ENPEP: variants seen among roughly 807,000 people sequenced by gnomAD.
ENPEP encodes glutamyl aminopeptidase, also known as AP-A.
In ENPEP, 103 loss-of-function variants were observed where a neutral mutation model predicts 114.5. The ratio of observed to expected loss-of-function variants is 0.90; its 90% CI spans 0.77 to 1.06. The LOEUF (loss-of-function observed/expected upper bound fraction) is 1.06. Among genes scored for constraint, ENPEP ranks in the 50% least tolerant of loss-of-function variants. ENPEP has a pLI of 0.00. For missense variants in ENPEP, 1,196 were observed against 1,161.3 expected (o/e 1.03, Z -0.43); for synonymous variants, 420 against 422.0 (o/e 1.00, Z 0.06).
intron 13 of ENPEP, among the ~76,000 whole-genome samples, chr4:110,547,039 C>T (rs971741581): frequency 6.6e-6 from 1 of 152,042 alleles, no homozygotes; most frequent in African/African-American, 2.4e-5. Flanking sequence ...TTAACTCAGG[C>T]TTCTCTAAGC....
chr4:110,560,419 G>A (rs1727638704), intron 19 of ENPEP, among the ~76,000 whole-genome samples: 1 of 152,152 alleles, frequency 6.6e-6, no homozygotes, highest in Admixed American at 6.5e-5. Context: ...TTTTTAAATT[G>A]TATATATTTA....
intron 3 of ENPEP, among the ~76,000 whole-genome samples, chr4:110,499,136 TAGTGTA>T (rs1268480813): frequency 6.6e-6 from 1 of 152,190 alleles, no homozygotes; most frequent in East Asian, 1.9e-4. Context: ...GTGGACACCA[TAGTGTA>T]AGTATCAATC....
chr4:110,549,668 T>A (rs1180622126), intron 16 of ENPEP, 36 bp downstream of exon 16: 1 of 1,613,036 alleles, frequency 6.2e-7, no homozygotes, highest in Admixed American at 1.7e-5. Context: ...GAAGACACAT[T>A]TGAGAAAAGA....
intron 3 of ENPEP, among the ~76,000 whole-genome samples, chr4:110,500,687 C>T (rs1445660301): frequency 6.6e-6 from 1 of 152,190 alleles, no homozygotes; most frequent in African/African-American, 2.4e-5. Context: ...ATGCATCCCT[C>T]CTCACTCCAT....
chr4:110,542,944 T>C, intron 12 of ENPEP, 57 bp downstream of exon 12: 1 of 1,610,368 alleles, frequency 6.2e-7, no homozygotes. Flanking sequence ...AGCATCTTAA[T>C]GATATTAATT....
chr4:110,500,569 G>A (rs1725116821), intron 3 of ENPEP, among the ~76,000 whole-genome samples: 2 of 152,090 alleles, frequency 1.3e-5, no homozygotes, highest in Admixed American at 6.5e-5. Flanking sequence ...TACATATAAA[G>A]TGATAAAGTA....
intron 1 of ENPEP, among the ~76,000 whole-genome samples, chr4:110,484,804 C>A (rs1324873676): frequency 6.8e-6 from 1 of 147,998 alleles, no homozygotes; most frequent in Non-Finnish European, 1.5e-5. Flanking sequence ...TGGCATCCAG[C>A]CAAGAGTAAA....
At chr4:110,546,661 C>A (rs1395417733) in intron 13 of ENPEP, among the ~76,000 whole-genome samples, 1 of 151,920 alleles carries the variant, frequency 6.6e-6, no homozygotes, top group African/African-American at 2.4e-5. Context: ...AAATCATGGA[C>A]CTTAGATACA....
rs113999891 is a variant in ENPEP at position 110,549,220 on chromosome 4, G to A, written c.2152-126G>A. 4,282 of 755,596 alleles carry A rather than the reference G, an allele frequency of 5.7e-3. 119 individuals are homozygous for A. In the African/African-American group the frequency reaches 0.066, roughly 12 times the overall value. 46.8% of individuals were successfully genotyped at this position (755,596 alleles called of 1,614,324 possible). On this transcript the variant is annotated intron_variant, in intron 14 of 19. Transcript: ENST00000265162. Reference sequence around the variant, plus strand: ...AAATTAAATACATTGTTTTTCTAAGGACAAGCGCAAAGTTCTCTGAATTAG... The same window carrying A: ...AAATTAAATACATTGTTTTTCTAAGAACAAGCGCAAAGTTCTCTGAATTAG...
chr4:110,541,181 A>T (rs994046086), intron 11 of ENPEP, among the ~76,000 whole-genome samples: 2 of 152,132 alleles, frequency 1.3e-5, no homozygotes, highest in Non-Finnish European at 2.9e-5. Flanking sequence ...ATAATTTATC[A>T]ATTACCTACT....
In ENPEP at chr4:110,480,468, C is replaced by T. The variant is rs140507112; in HGVS notation, c.644+3410C>T. Among the ~76,000 whole-genome samples the T allele has an allele frequency of 3.2e-4, 48 of 152,176 alleles. 1 individual carries two copies. The highest frequency in any genetic ancestry group is 9.9e-4 in the African/African-American group (41 of 41,514). On this transcript the variant is annotated intron_variant, in intron 1 of 19. Transcript: ENST00000265162. ...ATAGAGTGAGCTTCGTCATATGTGACGTTTGTATCATTTTAAACGTCATCA... is the reference window on the plus strand; with the variant it reads ...ATAGAGTGAGCTTCGTCATATGTGATGTTTGTATCATTTTAAACGTCATCA...
intron 11 of ENPEP, chr4:110,533,113 G>T (rs1203414309): frequency 2.2e-6 from 1 of 452,380 alleles, no homozygotes; most frequent in Non-Finnish European, 4.4e-6. Flanking sequence ...GAATATCTCG[G>T]CAGCTGTTTG....
At chr4:110,492,796 G>GT (rs1724777563) in intron 3 of ENPEP, among the ~76,000 whole-genome samples, 1 of 152,120 alleles carries the variant, frequency 6.6e-6, no homozygotes, top group African/African-American at 2.4e-5. Context: ...GTCAAGCTTG[G>GT]TTTTTTCTTT....
chr4:110,549,455 A>C, intron 15 of ENPEP, 36 bp downstream of exon 15: 1 of 1,612,564 alleles, frequency 6.2e-7, no homozygotes, highest in Non-Finnish European at 8.5e-7. Context: ...AATTCATTTA[A>C]CATTTGTTTT....
intron 4 of ENPEP, 145 bp from the exon 5 acceptor site, chr4:110,509,508 T>A: frequency 1.9e-6 from 2 of 1,044,100 alleles, no homozygotes; most frequent in Non-Finnish European, 1.3e-6. Flanking sequence ...ACTGAAATGT[T>A]CGCACACATG....
intron 8 of ENPEP, 85 bp downstream of exon 8, chr4:110,515,527 G>T (rs759265756): frequency 1.8e-5 from 21 of 1,145,150 alleles, no homozygotes; most frequent in Non-Finnish European, 2.7e-5. Context: ...ATTAATCAAG[G>T]ATAATTTCCT....
At chr4:110,526,960 G>A (rs182722254) in intron 10 of ENPEP, among the ~76,000 whole-genome samples, 5 of 152,236 alleles carry the variant, frequency 3.3e-5, no homozygotes, top group African/African-American at 9.6e-5. Flanking sequence ...TTAGAATATT[G>A]TTCTCATCTT....
chr4:110,490,342 T>C (rs909659876), intron 2 of ENPEP, among the ~76,000 whole-genome samples: 6 of 152,212 alleles, frequency 3.9e-5, no homozygotes, highest in African/African-American at 1.4e-4. Context: ...CTCCCTCGCT[T>C]AATCTCTTTT....
chr4:110,503,270 T>C (rs552507677), intron 3 of ENPEP, among the ~76,000 whole-genome samples: 11 of 152,316 alleles, frequency 7.2e-5, no homozygotes, highest in East Asian at 5.8e-4. Context: ...CTGAGTTAGT[T>C]TGGGGAGCCA....
Sources: gnomAD v4.1 joint callset for allele counts (sites outside exome capture counted in the v4.1 genomes callset) on GRCh38, gnomAD v4.1.1 for gene constraint, MANE v1.5 for transcripts, NCBI Gene and HGNC (gene_info 2026-07-23, HGNC 2026-07-21) for gene names.